The following ITGA6 variants were observed in gnomAD, a reference collection of about 807,000 sequenced individuals.
ITGA6 encodes integrin alpha-6.
ITGA6 carries 63 observed loss-of-function variants against 133.6 expected under a neutral mutation model. That is an observed-to-expected ratio of 0.47 (90% CI 0.38 to 0.58). The LOEUF is 0.58. Ranked by LOEUF, ITGA6 falls within the 20% of genes least tolerant of loss-of-function variation. The pLI, the probability that ITGA6 is intolerant of heterozygous loss-of-function variation, is 0.00. For missense variants in ITGA6, 1,068 were observed against 1,309.4 expected (o/e 0.82, Z 2.85); for synonymous variants, 434 against 482.0 (o/e 0.90, Z 1.30).
At chr2:172,468,293 A>G (rs962648791) in intron 3 of ITGA6, among the ~76,000 whole-genome samples, 1 of 152,192 alleles carries the variant, frequency 6.6e-6, no homozygotes, top group African/African-American at 2.4e-5. Context: ...AGGGTTTGTT[A>G]GGTGGATTGG....
At position 172,491,379 on chromosome 2, in the gene ITGA6, C is replaced by G. The variant is rs546222079; in HGVS notation, c.2890-46C>G. Reference sequence around the variant, plus strand: ...TCCCATGGAAGTAATTTGCCTTTGCCTAGGACACTTTTCACTTCCCTAATG... The same window carrying G: ...TCCCATGGAAGTAATTTGCCTTTGCGTAGGACACTTTTCACTTCCCTAATG... On this transcript the variant is annotated intron_variant, in intron 22 of 25. Coordinates refer to ENST00000684293, the MANE Select transcript of ITGA6 (RefSeq NM_000210.4). The surrounding 1 kb of genome is among the most constrained non-coding windows in gnomAD (Gnocchi z 4.4). 6.3e-6 allele frequency: 10 copies of G among 1,576,370 alleles called. No individual in the cohort carries two copies. In the Admixed American group the frequency reaches 1.7e-4, roughly 26 times the overall value.
At chr2:172,440,935 G>T (rs369032602) in intron 1 of ITGA6, among the ~76,000 whole-genome samples, 439 of 152,300 alleles carry the variant, frequency 2.9e-3, no homozygotes, top group South Asian at 0.019. Context: ...GTGGCTTGAA[G>T]TTTGAAAGGA....
chr2:172,437,936 C>T (rs1369282321), intron 1 of ITGA6, among the ~76,000 whole-genome samples: 3 of 151,624 alleles, frequency 2.0e-5, no homozygotes, highest in Admixed American at 1.3e-4. Flanking sequence ...GAGATTTGAT[C>T]GCTAGATTGG....
intron 1 of ITGA6, among the ~76,000 whole-genome samples, chr2:172,441,694 A>C (rs982664273): frequency 6.6e-6 from 1 of 151,800 alleles, no homozygotes; most frequent in Non-Finnish European, 1.5e-5. Context: ...TTTACAATTG[A>C]AACTATTTTC....
chr2:172,465,892 T>C, intron 2 of ITGA6: 1 of 637,208 alleles, frequency 1.6e-6, no homozygotes, highest in Non-Finnish European at 2.8e-6. Flanking sequence ...TCTAAACCGA[T>C]ATGGTGTAGG....
chr2:172,444,533 G>T (rs1659724094), intron 1 of ITGA6, among the ~76,000 whole-genome samples: 1 of 151,834 alleles, frequency 6.6e-6, no homozygotes, highest in African/African-American at 2.4e-5. Flanking sequence ...TCGGATTTTG[G>T]ATTTTTAGAT....
At chr2:172,485,071 C>T (rs2149067698) in intron 12 of ITGA6, 50 bp from the exon 13 acceptor site, 1 of 1,605,798 alleles carries the variant, frequency 6.2e-7, no homozygotes, top group Non-Finnish European at 8.5e-7. Flanking sequence ...TTGGAATTCC[C>T]CAATAGCATG....
intron 9 of ITGA6, among the ~76,000 whole-genome samples, chr2:172,477,555 C>T (rs1024468545): frequency 5.3e-5 from 8 of 152,162 alleles, no homozygotes; most frequent in Non-Finnish European, 1.0e-4. Context: ...GCTATCTCTC[C>T]TTGTCAATAC....
chr2:172,447,968 C>T (rs534653272), intron 1 of ITGA6, among the ~76,000 whole-genome samples: 111 of 152,066 alleles, frequency 7.3e-4, no homozygotes, highest in African/African-American at 2.5e-3. Flanking sequence ...TGAGACACAC[C>T]CATAGTAAAG....
chr2:172,486,411 T>C (rs1445289673), intron 13 of ITGA6, among the ~76,000 whole-genome samples: 4 of 152,142 alleles, frequency 2.6e-5, no homozygotes, highest in African/African-American at 9.7e-5. Context: ...TTGTGTACAT[T>C]CCCAGCTCCA....
chr2:172,480,082 A>G (rs374836942), intron 11 of ITGA6, 31 bp downstream of exon 11: 42 of 1,268,222 alleles, frequency 3.3e-5, no homozygotes, highest in East Asian at 4.6e-5. Context: ...AAATATGTCT[A>G]CTTTCTGTCT....
chr2:172,444,604 CA>C (rs368148277), intron 1 of ITGA6, among the ~76,000 whole-genome samples: 7,010 of 118,616 alleles, frequency 0.059, 323 homozygotes, highest in East Asian at 0.28. Flanking sequence ...CGCCCCCCGC[CA>C]AAAAAAACCA....
intron 1 of ITGA6, among the ~76,000 whole-genome samples, chr2:172,444,809 C>A (rs949998346): frequency 1.0e-4 from 15 of 150,408 alleles, no homozygotes; most frequent in African/African-American, 3.2e-4. Context: ...AAGCGAGGAG[C>A]CCCTGGATTG....
intron 11 of ITGA6, chr2:172,480,910 A>T (rs1230053970): frequency 6.6e-6 from 1 of 152,148 alleles, no homozygotes; most frequent in East Asian, 1.9e-4. Context: ...TGGCCGTCGT[A>T]AGCTCTCCTC....
At chr2:172,463,480 T>C (rs1415736773) in intron 1 of ITGA6, among the ~76,000 whole-genome samples, 2 of 152,184 alleles carry the variant, frequency 1.3e-5, no homozygotes, top group Non-Finnish European at 2.9e-5. Flanking sequence ...GTTTTGGTTG[T>C]GATGTTTTAT....
intron 11 of ITGA6, 79 bp downstream of exon 11, chr2:172,480,130 A>G: frequency 1.2e-6 from 1 of 842,928 alleles, no homozygotes; most frequent in Non-Finnish European, 2.0e-6. Context: ...CAGAAAAATA[A>G]AACTGCAGTG....
intron 3 of ITGA6, among the ~76,000 whole-genome samples, chr2:172,468,284 G>C (rs528062003): frequency 1.9e-4 from 29 of 152,306 alleles, no homozygotes; most frequent in African/African-American, 6.3e-4. Context: ...AAAGAAAAGA[G>C]GGTTTGTTAG....
rs776183303 is a variant in ITGA6, at chr2:172,427,905, C to A, written c.117C>A (p.Asp39Glu). The A allele has an allele frequency of 1.2e-5, 19 of 1,606,994 alleles. No homozygotes were observed. The highest frequency in any genetic ancestry group is 1.4e-5 in the Non-Finnish European group (17 of 1,177,176). Residue 39 changes from aspartate (D) to glutamate (E), a missense_variant, in exon 1 of 26, where the codon GAC becomes GAA. Physicochemically the swap from Asp to Glu is conservative, Grantham distance 45. This residue lies in a region of ITGA6 where 142 missense variants were observed against 145.3 expected (regional missense o/e 0.98). Transcript: ENST00000684293. ...REDNVIRKYG[D>E]PGSLFGFSLA... ...ACAACGTGATCCGGAAATATGGAGACCCCGGGAGCCTCTTCGGCTTCTCGC... is the reference window on the plus strand; with the variant it reads ...ACAACGTGATCCGGAAATATGGAGAACCCGGGAGCCTCTTCGGCTTCTCGC...
intron 1 of ITGA6, among the ~76,000 whole-genome samples, chr2:172,437,854 G>C (rs1684388393): frequency 6.6e-6 from 1 of 151,876 alleles, no homozygotes; most frequent in South Asian, 2.1e-4. Flanking sequence ...GAGGGAGTGT[G>C]TGGTCCTGGA....
Sources: allele counts gnomAD v4.1 joint callset (sites outside exome capture counted in the v4.1 genomes callset), GRCh38; gene constraint gnomAD v4.1.1; regional missense constraint gnomAD v4.1.1; non-coding constraint Gnocchi (gnomAD v3.1); transcripts MANE v1.5; gene names NCBI Gene and HGNC (gene_info 2026-07-23, HGNC 2026-07-21).